The following SUGCT variants were observed in gnomAD, a reference collection of about 807,000 sequenced individuals.
SUGCT encodes the protein succinyl-CoA:glutarate CoA-transferase.
SUGCT carries 41 observed loss-of-function variants against 55.0 expected under a neutral mutation model. The observed-to-expected ratio is 0.74, with a 90% CI of 0.58 to 0.97. The LOEUF (loss-of-function observed/expected upper bound fraction) is 0.97. Ranked by LOEUF, SUGCT falls within the 50% of genes least tolerant of loss-of-function variation. The pLI, the probability that SUGCT is intolerant of heterozygous loss-of-function variation, is 0.00. For missense variants in SUGCT, 568 were observed against 547.8 expected, an observed-to-expected ratio of 1.04 and a Z score of -0.37; for synonymous variants, 187 against 200.4, an observed-to-expected ratio of 0.93 and a Z score of 0.56.
intron 12 of SUGCT, among the ~76,000 whole-genome samples, chr7:40,617,227 A>G (rs78825177): frequency 6.6e-6 from 1 of 152,206 alleles, no homozygotes; most frequent in East Asian, 1.9e-4. Flanking sequence ...AACCTTTGTC[A>G]TAAGGGGGCT....
intron 13 of SUGCT, among the ~76,000 whole-genome samples, chr7:40,760,273 A>C (rs1389019260): frequency 2.6e-5 from 4 of 152,190 alleles, no homozygotes; most frequent in African/African-American, 9.7e-5. Flanking sequence ...GTGTTGGTAT[A>C]ATAGAGTTAA....
chr7:40,538,810 G>C (rs2151612387), intron 12 of SUGCT: 1 of 152,472 alleles, frequency 6.6e-6, no homozygotes, highest in South Asian at 2.1e-4. Flanking sequence ...GGGCGCGGGG[G>C]CTCACGCCTG....
intron 13 of SUGCT, among the ~76,000 whole-genome samples, chr7:40,830,599 C>T (rs79182998): frequency 0.013 from 2,005 of 152,306 alleles, 132 homozygotes; most frequent in Admixed American, 0.086. Flanking sequence ...ATCACTCCAT[C>T]TAACAGAACA....
chr7:40,636,546 G>T (rs766388072), intron 12 of SUGCT, among the ~76,000 whole-genome samples: 1 of 152,170 alleles, frequency 6.6e-6, no homozygotes, highest in Admixed American at 6.5e-5. Context: ...GACATTAAAA[G>T]CACTGTAGTC....
chr7:40,958,838 T>C, the SUGCT span, among the ~76,000 whole-genome samples: 1 of 152,196 alleles, frequency 6.6e-6, no homozygotes, highest in Non-Finnish European at 1.5e-5. Context: ...GACCTTTGGA[T>C]GGAGTTTTTG....
the SUGCT span, among the ~76,000 whole-genome samples, chr7:40,895,436 TA>T: frequency 6.6e-6 from 1 of 152,054 alleles, no homozygotes. Flanking sequence ...TATATATTAA[TA>T]ACAAACCTGC....
intron 6 of SUGCT, among the ~76,000 whole-genome samples, 162 bp downstream of exon 6, chr7:40,195,222 C>CTTTTTTTTTTT (rs11326653): frequency 9.9e-6 from 1 of 101,296 alleles, no homozygotes; most frequent in Non-Finnish European, 1.9e-5. Flanking sequence ...TTTCTTTTTT[C>CTTTTTTTTTTT]TTTTTTTTTT....
At chr7:40,188,207 G>C (rs1785653424) in intron 3 of SUGCT, among the ~76,000 whole-genome samples, 1 of 152,206 alleles carries the variant, frequency 6.6e-6, no homozygotes, top group Non-Finnish European at 1.5e-5. Flanking sequence ...GCTGAAGCGG[G>C]TGGATCACCT....
chr7:40,967,947 G>A, the SUGCT span, among the ~76,000 whole-genome samples: 6 of 152,130 alleles, frequency 3.9e-5, no homozygotes, highest in Admixed American at 3.9e-4. Context: ...TGGACTCAAT[G>A]GATATAGAAA....
chr7:40,805,024 A>G (rs1220281532), intron 13 of SUGCT, among the ~76,000 whole-genome samples: 2 of 152,080 alleles, frequency 1.3e-5, no homozygotes, highest in Non-Finnish European at 2.9e-5. Flanking sequence ...TTTCACTTTT[A>G]TTTGTGGTCA....
At chr7:40,553,145 A>G (rs1795386245) in intron 12 of SUGCT, among the ~76,000 whole-genome samples, 1 of 152,254 alleles carries the variant, frequency 6.6e-6, no homozygotes, top group Non-Finnish European at 1.5e-5. Context: ...ATTCAAAAAC[A>G]AAATACCTTG....
intron 13 of SUGCT, among the ~76,000 whole-genome samples, chr7:40,791,495 A>G (rs1790307927): frequency 6.6e-6 from 1 of 152,202 alleles, no homozygotes; most frequent in Non-Finnish European, 1.5e-5. Context: ...TAGTGATCAG[A>G]GGTCTGTAGG....
intron 12 of SUGCT, among the ~76,000 whole-genome samples, chr7:40,527,822 A>G (rs1392469705): frequency 1.3e-5 from 2 of 152,228 alleles, no homozygotes; most frequent in African/African-American, 4.8e-5. Flanking sequence ...CATTAGAAAC[A>G]TATGGTTCTG....
At chr7:40,135,192 G>A in intron 1 of SUGCT, 72 bp downstream of exon 1, 1 of 1,475,034 alleles carries the variant, frequency 6.8e-7, no homozygotes, top group Middle Eastern at 1.8e-4. Context: ...GCGCCCTGAG[G>A]AGAGCAATTA....
chr7:40,384,545 T>C, intron 9 of SUGCT, among the ~76,000 whole-genome samples: 1 of 152,012 alleles, frequency 6.6e-6, no homozygotes, highest in Non-Finnish European at 1.5e-5. Flanking sequence ...CCTGGCTCCC[T>C]TAGTCAGTAA....
chr7:40,329,677 T>G (rs914824607), intron 9 of SUGCT, among the ~76,000 whole-genome samples: 5 of 152,134 alleles, frequency 3.3e-5, no homozygotes, highest in African/African-American at 1.2e-4. Context: ...AGAATCTGCA[T>G]TTTAACAAGA....
chr7:40,933,529 T>C, the SUGCT span, among the ~76,000 whole-genome samples: 2 of 152,344 alleles, frequency 1.3e-5, no homozygotes, highest in Non-Finnish European at 2.9e-5. Flanking sequence ...GAAGAGTGTT[T>C]TCCAACTTGG....
intron 4 of SUGCT, among the ~76,000 whole-genome samples, chr7:40,189,002 T>G (rs147536666): frequency 1.3e-3 from 199 of 152,024 alleles, no homozygotes; most frequent in Non-Finnish European, 2.4e-3. Context: ...ATAAAATAAA[T>G]TTAAGAGGAT....
intron 13 of SUGCT, among the ~76,000 whole-genome samples, chr7:40,810,786 TTTTG>T (rs775230055): frequency 6.6e-6 from 1 of 152,194 alleles, no homozygotes; most frequent in Non-Finnish European, 1.5e-5. Context: ...ACTTTTCAAT[TTTTG>T]TTTGTGTTGC....
Sources: gnomAD v4.1 joint callset for allele counts (sites outside exome capture counted in the v4.1 genomes callset) on GRCh38, gnomAD v4.1.1 for gene constraint, MANE v1.5 for transcripts, NCBI Gene and HGNC (gene_info 2026-07-23, HGNC 2026-07-21) for gene names.